Variants in KCNN2 observed in about 807,000 individuals in gnomAD.
KCNN2 encodes potassium calcium-activated channel subfamily N member 2.
KCNN2 carries 24 observed loss-of-function variants against 55.5 expected under a neutral mutation model. That is an observed-to-expected ratio of 0.43 (90% confidence interval 0.31 to 0.61). The LOEUF (loss-of-function observed/expected upper bound fraction) is 0.61. Ranked by LOEUF, KCNN2 falls within the 20% of genes least tolerant of loss-of-function variation. The pLI is 0.08. For synonymous variants in KCNN2, 431 were observed against 336.1 expected, an observed-to-expected ratio of 1.28 and a Z score of -3.09; for missense variants, 754 against 853.6, an observed-to-expected ratio of 0.88 and a Z score of 1.45.
At position 114,220,101 on chromosome 5, in the gene KCNN2, C is replaced by T. The variant is rs561648448; in HGVS notation, c.-270-1379C>T. Among the ~76,000 whole-genome samples the T allele has an allele frequency of 5.5e-4, 83 of 152,212 alleles. 2 individuals carry two copies. The South Asian group carries it at 0.011, about 20-fold the overall frequency. On this transcript the variant is annotated intron_variant, in intron 1 of 10. Transcript: ENST00000512097. ...ACAGGTCATATAGTTGGCTACTCTT[C>T]GGACTGTGTAATTAGAAAAACTGGC...
chr5:114,271,511 A>C (rs1274443175), intron 2 of KCNN2, among the ~76,000 whole-genome samples: 1 of 152,196 alleles, frequency 6.6e-6, no homozygotes. Flanking sequence ...GAAGAAAGTA[A>C]AAAATACAAT....
intron 1 of KCNN2, among the ~76,000 whole-genome samples, chr5:114,212,633 T>C (rs1753911972): frequency 6.6e-6 from 1 of 152,008 alleles, no homozygotes; most frequent in Non-Finnish European, 1.5e-5. Flanking sequence ...AAAAAATGCT[T>C]TCATAAGCTC....
chr5:114,296,073 A>G (rs1392310471), intron 2 of KCNN2, among the ~76,000 whole-genome samples: 2 of 152,220 alleles, frequency 1.3e-5, no homozygotes, highest in Non-Finnish European at 2.9e-5. Flanking sequence ...GCTCATAGAT[A>G]TACTGTACTC....
intron 3 of KCNN2, among the ~76,000 whole-genome samples, chr5:114,436,753 A>G (rs949911416): frequency 6.6e-6 from 1 of 152,160 alleles, no homozygotes; most frequent in Non-Finnish European, 1.5e-5. Flanking sequence ...TCAGCTTCCT[A>G]CCATTTTTTC....
chr5:114,074,295 T>C (rs942526575), intron 1 of KCNN2, among the ~76,000 whole-genome samples: 4 of 41,198 alleles, frequency 9.7e-5, no homozygotes, highest in Non-Finnish European at 2.4e-4. Flanking sequence ...CATGTTTGCG[T>C]GTGTGTGTGT....
At chr5:114,179,771 A>G (rs1203258339) in intron 1 of KCNN2, among the ~76,000 whole-genome samples, 2 of 152,204 alleles carry the variant, frequency 1.3e-5, no homozygotes, top group Non-Finnish European at 1.5e-5. Context: ...AGACTCAGCC[A>G]TATAGTAGTT....
chr5:114,357,178 CT>C (rs1757310431), upstream of KCNN2, among the ~76,000 whole-genome samples: 1 of 151,920 alleles, frequency 6.6e-6, no homozygotes, highest in Admixed American at 6.6e-5. Flanking sequence ...GAGAACCCTG[CT>C]TTTTAAGGTA....
At chr5:114,287,533 G>A (rs1185640679) in intron 2 of KCNN2, among the ~76,000 whole-genome samples, 1 of 151,866 alleles carries the variant, frequency 6.6e-6, no homozygotes, top group African/African-American at 2.4e-5. Flanking sequence ...TCACTGGTAA[G>A]TGGGAGTTGA....
At chr5:114,474,257 A>ATACTT (rs1205791979) in intron 5 of KCNN2, among the ~76,000 whole-genome samples, 3 of 152,212 alleles carry the variant, frequency 2.0e-5, no homozygotes, top group Non-Finnish European at 4.4e-5. Context: ...TATATAGATT[A>ATACTT]TACTTAGGAA....
chr5:114,228,246 TAA>T (rs1313977536), intron 2 of KCNN2, among the ~76,000 whole-genome samples: 1 of 152,130 alleles, frequency 6.6e-6, no homozygotes, highest in Non-Finnish European at 1.5e-5. Context: ...CTTTTTAATA[TAA>T]GTCTCAAAAG....
At chr5:114,382,856 G>C (rs1580772855) in intron 2 of KCNN2, among the ~76,000 whole-genome samples, 1 of 152,226 alleles carries the variant, frequency 6.6e-6, no homozygotes, top group Non-Finnish European at 1.5e-5. Context: ...GATTGGGCCT[G>C]TCTGCTCATG....
At chr5:114,403,010 A>G (rs2150070268) in intron 2 of KCNN2, among the ~76,000 whole-genome samples, 1 of 152,300 alleles carries the variant, frequency 6.6e-6, no homozygotes, top group South Asian at 2.1e-4. Flanking sequence ...ATTGGGGAGA[A>G]TGGAAGGAGG....
At chr5:114,268,025 C>T (rs1038602788) in intron 2 of KCNN2, among the ~76,000 whole-genome samples, 6 of 152,168 alleles carry the variant, frequency 3.9e-5, no homozygotes, top group Admixed American at 6.5e-5. Context: ...AATGCCACTT[C>T]CTTCTGATCC....
At chr5:114,391,448 C>G (rs1450638415) in intron 2 of KCNN2, among the ~76,000 whole-genome samples, 1 of 152,012 alleles carries the variant, frequency 6.6e-6, no homozygotes, top group Non-Finnish European at 1.5e-5. Context: ...AACCACTCAG[C>G]TAGTAAGTGG....
intron 1 of KCNN2, among the ~76,000 whole-genome samples, chr5:114,099,027 A>G (rs2632112): frequency 0.19 from 28,918 of 152,206 alleles, 2,940 homozygotes; most frequent in African/African-American, 0.26. Context: ...TAAAATATAA[A>G]TGACTTGAAG....
intron 1 of KCNN2, among the ~76,000 whole-genome samples, chr5:114,160,126 C>T (rs1752737447): frequency 6.6e-6 from 1 of 152,176 alleles, no homozygotes. Flanking sequence ...TTCCTGCTTT[C>T]TCTCGTGGGC....
intron 2 of KCNN2, among the ~76,000 whole-genome samples, chr5:114,289,925 T>C (rs1298078052): frequency 6.6e-6 from 1 of 152,230 alleles, no homozygotes; most frequent in Non-Finnish European, 1.5e-5. Flanking sequence ...TTGGGTACTA[T>C]TGTAAATAGA....
At position 114,138,819 on chromosome 5, in the gene KCNN2, G is replaced by A. The variant is rs1468845925; in HGVS notation, c.-271+82319G>A. ...GTTTCATAGTTGAGGCTAAAGACAAGGCAGAATGAGAAACATGGGTTAGAA... is the reference window on the plus strand; with the variant it reads ...GTTTCATAGTTGAGGCTAAAGACAAAGCAGAATGAGAAACATGGGTTAGAA... On this transcript the variant is annotated intron_variant, in intron 1 of 10. Coordinates refer to the KCNN2 transcript ENST00000512097. Among the ~76,000 whole-genome samples, 9 of 152,224 alleles carry A rather than the reference G, an allele frequency of 5.9e-5. No individual in the cohort carries two copies. In the South Asian group the frequency reaches 1.7e-3, roughly 28 times the overall value.
intron 2 of KCNN2, among the ~76,000 whole-genome samples, chr5:114,285,941 C>T (rs1435356285): frequency 4.3e-5 from 6 of 140,462 alleles, no homozygotes; most frequent in East Asian, 4.3e-4. Context: ...TTTTCTCTGA[C>T]GGAGTTTCAC....
Sources: allele counts gnomAD v4.1 joint callset (sites outside exome capture counted in the v4.1 genomes callset), GRCh38; gene constraint gnomAD v4.1.1; transcripts MANE v1.5; gene names NCBI Gene and HGNC (gene_info 2026-07-23, HGNC 2026-07-21).